Variants in GALK2 observed in about 807,000 individuals in gnomAD.
GALK2 encodes the protein galactokinase 2, also known as N-acetylgalactosamine kinase.
A neutral mutation model predicts 52.4 loss-of-function variants in GALK2; 36 were observed. The ratio of observed to expected loss-of-function variants is 0.69; its 90% CI spans 0.53 to 0.91. GALK2 has a LOEUF of 0.91. GALK2 is among the 40% of genes least tolerant of loss of function. The pLI, the probability that GALK2 is intolerant of heterozygous loss-of-function variation, is 0.00. For missense variants in GALK2, 579 were observed against 559.1 expected (o/e 1.04, Z -0.36); for synonymous variants, 176 against 199.1 (o/e 0.88, Z 0.98).
intron 8 of GALK2, 41 bp from the exon 9 acceptor site, chr15:49,319,563 A>C: frequency 6.4e-7 from 1 of 1,564,760 alleles, no homozygotes; most frequent in East Asian, 2.2e-5. Flanking sequence ...GTTGTCCAGT[A>C]ACTATTCCTA....
intron 3 of GALK2, among the ~76,000 whole-genome samples, chr15:49,364,302 G>T (rs368982408): frequency 1.3e-5 from 2 of 152,148 alleles, no homozygotes. Flanking sequence ...CTTGTTATTG[G>T]TCTGTTCAGG....
rs1482398961 is a variant in GALK2, at chr15:49,366,671, C to T, written c.427-820C>T. 6 of 1,527,448 alleles carry T rather than the reference C, an allele frequency of 3.9e-6. No homozygotes were observed. The Admixed American group carries it at 5.0e-5, about 13-fold the overall frequency. The allele number at this position is 1,527,448 out of a possible 1,614,324, so 94.6% of individuals were successfully genotyped here. A position where few individuals can be genotyped will look rare whatever the true frequency, so the allele number is the denominator to read the frequency against. On this transcript the variant is annotated intron_variant, in intron 3 of 3. Transcript: ENST00000558399. ...GGCGGCCGTGGCAGGGGACAGCCGCCGCTGCGGCCCCATCGGACTGGTGGG... is the reference window on the plus strand; with the variant it reads ...GGCGGCCGTGGCAGGGGACAGCCGCTGCTGCGGCCCCATCGGACTGGTGGG...
chr15:49,225,217 G>T, intron 3 of GALK2: 1 of 455,978 alleles, frequency 2.2e-6, no homozygotes, highest in Non-Finnish European at 4.4e-6. Flanking sequence ...CTTCCGGGCT[G>T]CAGGGCTCCC....
chr15:49,295,309 TTCTCTC>T (rs58542204), intron 8 of GALK2, among the ~76,000 whole-genome samples: 3 of 145,672 alleles, frequency 2.1e-5, no homozygotes, highest in African/African-American at 5.2e-5. Context: ...ACAAGCTCAT[TTCTCTC>T]TCTCTCTCTC....
intron 5 of GALK2, among the ~76,000 whole-genome samples, chr15:49,246,162 TG>T (rs2091340779): frequency 6.6e-6 from 1 of 152,212 alleles, no homozygotes; most frequent in Non-Finnish European, 1.5e-5. Context: ...GCCTGTATTT[TG>T]TAAGAATGGG....
At chr15:49,306,948 A>T (rs1224765936) in intron 8 of GALK2, among the ~76,000 whole-genome samples, 1 of 152,212 alleles carries the variant, frequency 6.6e-6, no homozygotes. Flanking sequence ...ACACTCTATT[A>T]GGTTCCAAGG....
intron 2 of GALK2, among the ~76,000 whole-genome samples, chr15:49,212,254 G>A (rs1339476133): frequency 6.6e-6 from 1 of 151,854 alleles, no homozygotes. Context: ...GACCATGCCT[G>A]GATAATTTTT....
chr15:49,366,286 C>T, intron 3 of GALK2: 1 of 787,936 alleles, frequency 1.3e-6, no homozygotes, highest in Non-Finnish European at 2.4e-6. Context: ...TCAGTATTTT[C>T]ACATCAGGAA....
intron 9 of GALK2, among the ~76,000 whole-genome samples, chr15:49,326,690 A>G (rs915183001): frequency 5.3e-5 from 8 of 152,186 alleles, no homozygotes; most frequent in Non-Finnish European, 1.2e-4. Context: ...TGGGCCATAA[A>G]TTGAATGTTA....
At chr15:49,307,221 C>G (rs1020422064) in intron 8 of GALK2, among the ~76,000 whole-genome samples, 6 of 152,086 alleles carry the variant, frequency 3.9e-5, no homozygotes, top group Non-Finnish European at 8.8e-5. Flanking sequence ...TGCCAGTGGA[C>G]AGGCAATGAT....
chr15:49,334,648 A>G (rs560830619), downstream of GALK2, among the ~76,000 whole-genome samples: 2 of 152,224 alleles, frequency 1.3e-5, no homozygotes, highest in African/African-American at 4.8e-5. Flanking sequence ...GGAGACGGGA[A>G]TGGGGACCCT....
intron 2 of GALK2, among the ~76,000 whole-genome samples, chr15:49,210,957 T>TCACACACACACACTCA (rs2088814344): frequency 8.9e-6 from 1 of 112,768 alleles, no homozygotes; most frequent in African/African-American, 3.6e-5. Flanking sequence ...ATGTTGGCTG[T>TCACACACACACACTCA]CACACACACA....
intron 3 of GALK2, among the ~76,000 whole-genome samples, chr15:49,233,081 C>T (rs1384718228): frequency 6.6e-6 from 1 of 152,190 alleles, no homozygotes; most frequent in Non-Finnish European, 1.5e-5. Context: ...CATTCTTGCA[C>T]TGCTATAAAG....
At chr15:49,258,736 T>A (rs2141606452) in intron 5 of GALK2, among the ~76,000 whole-genome samples, 1 of 151,744 alleles carries the variant, frequency 6.6e-6, no homozygotes, top group East Asian at 1.9e-4. Context: ...TGGTCTGTTT[T>A]CTCCTGTTAC....
At chr15:49,215,028 A>G (rs534388953) in intron 2 of GALK2, among the ~76,000 whole-genome samples, 1 of 152,332 alleles carries the variant, frequency 6.6e-6, no homozygotes, top group Admixed American at 6.5e-5. Flanking sequence ...TTTCTTCAAC[A>G]CTTTGAATAT....
intron 5 of GALK2, among the ~76,000 whole-genome samples, chr15:49,248,085 A>T (rs2091435573): frequency 6.6e-6 from 1 of 152,196 alleles, no homozygotes; most frequent in Admixed American, 6.5e-5. Flanking sequence ...TTCCTTGAGA[A>T]AGTACAAGGC....
chr15:49,258,959 G>A (rs896282693), intron 5 of GALK2, among the ~76,000 whole-genome samples: 1 of 151,578 alleles, frequency 6.6e-6, no homozygotes, highest in Non-Finnish European at 1.5e-5. Context: ...TTTGAGAAGT[G>A]TCAGTTCATG....
At chr15:49,262,249 T>C (rs2092148442) in intron 5 of GALK2, among the ~76,000 whole-genome samples, 1 of 152,212 alleles carries the variant, frequency 6.6e-6, no homozygotes, top group Admixed American at 6.5e-5. Flanking sequence ...TTTCAGAGCC[T>C]GTTATTGGTC....
At chr15:49,353,588 A>G (rs546272528) in intron 3 of GALK2, 1 of 149,946 alleles carries the variant, frequency 6.7e-6, no homozygotes, top group Non-Finnish European at 1.5e-5. Context: ...TTGACACCCA[A>G]TTTTTGAAGT....
Sources: allele counts gnomAD v4.1 joint callset (sites outside exome capture counted in the v4.1 genomes callset), GRCh38; gene constraint gnomAD v4.1.1; transcripts MANE v1.5; gene names NCBI Gene and HGNC (gene_info 2026-07-23, HGNC 2026-07-21).